Variants in RPA1 observed in about 807,000 individuals in gnomAD.
RPA1 encodes replication protein A1, also known as replication protein A 70 kDa DNA-binding subunit.
A neutral mutation model predicts 83.0 loss-of-function variants in RPA1; 49 were observed. The observed-to-expected ratio is 0.59, with a 90% confidence interval of 0.47 to 0.75. The LOEUF is 0.75. Among genes scored for constraint, RPA1 ranks in the 30% least tolerant of loss-of-function variants. RPA1 has a pLI of 0.00. For missense variants in RPA1, 693 were observed against 776.1 expected (o/e 0.89, Z 1.27); for synonymous variants, 279 against 281.8 (o/e 0.99, Z 0.10).
chr17:1,849,395 C>T (rs539991888), intron 4 of RPA1, among the ~76,000 whole-genome samples: 2 of 150,492 alleles, frequency 1.3e-5, no homozygotes, highest in Non-Finnish European at 1.5e-5. Flanking sequence ...CGGGTTCACG[C>T]CATTCTCCTG....
At chr17:1,844,151 A>C (rs1473465927) in intron 3 of RPA1, among the ~76,000 whole-genome samples, 153 bp downstream of exon 3, 1 of 152,192 alleles carries the variant, frequency 6.6e-6, no homozygotes, top group African/African-American at 2.4e-5. Flanking sequence ...GTCAGAGAGC[A>C]TTCTAACAAT....
At chr17:1,864,221 T>C (rs1913093581) in intron 5 of RPA1, among the ~76,000 whole-genome samples, 1 of 152,222 alleles carries the variant, frequency 6.6e-6, no homozygotes, top group Non-Finnish European at 1.5e-5. Context: ...TGAAGTACAC[T>C]AATTCACTGT....
chr17:1,856,040 C>T (rs1012385699), intron 5 of RPA1, among the ~76,000 whole-genome samples: 17 of 152,076 alleles, frequency 1.1e-4, no homozygotes, highest in African/African-American at 3.9e-4. Flanking sequence ...AAATATATTT[C>T]CAGCTGGGTG....
chr17:1,837,407 C>T (rs1450760629), intron 1 of RPA1, among the ~76,000 whole-genome samples: 1 of 152,122 alleles, frequency 6.6e-6, no homozygotes, highest in African/African-American at 2.4e-5. Flanking sequence ...CATCTTTTGG[C>T]TATTATAAAT....
chr17:1,842,935 A>T, intron 2 of RPA1, 82 bp downstream of exon 2: 2 of 1,443,238 alleles, frequency 1.4e-6, no homozygotes, highest in Non-Finnish European at 1.9e-6. Flanking sequence ...AAGGACAGAC[A>T]GATTTGTCCA....
At chr17:1,845,053 T>C (rs965124280) in intron 4 of RPA1, among the ~76,000 whole-genome samples, 2 of 152,082 alleles carry the variant, frequency 1.3e-5, no homozygotes, top group African/African-American at 4.8e-5. Context: ...CCTCCCAAAG[T>C]GCTGGGATTA....
intron 5 of RPA1, among the ~76,000 whole-genome samples, chr17:1,853,974 G>C (rs1912595655): frequency 6.6e-6 from 1 of 152,170 alleles, no homozygotes; most frequent in East Asian, 1.9e-4. Context: ...CTAACTTGAG[G>C]CTGGCGTTTA....
intron 4 of RPA1, among the ~76,000 whole-genome samples, chr17:1,845,697 A>G (rs148702876): frequency 6.6e-6 from 1 of 152,288 alleles, no homozygotes; most frequent in Non-Finnish European, 1.5e-5. Context: ...TTGGGAGACC[A>G]GGTAGGGAGG....
rs1368650376 is a variant in RPA1, at chr17:1,888,781, A to G, written c.1481A>G (p.Gln494Arg). 20 of 1,614,142 alleles carry G rather than the reference A, an allele frequency of 1.2e-5. No individual in the cohort carries two copies. The highest frequency in any genetic ancestry group is 1.4e-5 in the Non-Finnish European group (17 of 1,180,058). ...QDCNKKVIDQQNGLYRCEKCD... is the reference protein window; with the variant it reads ...QDCNKKVIDQRNGLYRCEKCD... ...TGCAATAAGAAAGTGATTGATCAACAGAATGGATTGTACCGCTGTGAGAAG... is the reference window on the plus strand; with the variant it reads ...TGCAATAAGAAAGTGATTGATCAACGGAATGGATTGTACCGCTGTGAGAAG... Residue 494 changes from glutamine (Q) to arginine (R), a missense_variant, in exon 14 of 17, where the codon CAG (glutamine) becomes CGG (arginine). Coordinates refer to ENST00000254719, the MANE Select transcript of RPA1 (RefSeq NM_002945.5).
intron 5 of RPA1, 103 bp from the exon 6 acceptor site, chr17:1,872,331 A>C: frequency 6.6e-7 from 1 of 1,504,280 alleles, no homozygotes; most frequent in Admixed American, 2.2e-5. Context: ...GTCTTTGACA[A>C]AATAAAAAAT....
chr17:1,835,392 A>T (rs906847702), intron 1 of RPA1, among the ~76,000 whole-genome samples: 1 of 151,972 alleles, frequency 6.6e-6, no homozygotes, highest in South Asian at 2.1e-4. Context: ...CTTGGTCTCC[A>T]AACAGTTCTC....
In RPA1 at chr17:1,887,260, G is replaced by A. The variant is rs148556705; in HGVS notation, c.1375-1415G>A. 1.2e-3 allele frequency among the ~76,000 whole-genome samples: 185 copies of A among 152,138 alleles called. 1 individual carries two copies. Among genetic ancestry groups the A allele is most frequent in the African/African-American group, 4.4e-3 (183 of 41,528 alleles). On this transcript the variant is annotated intron_variant, in intron 13 of 16. Transcript: ENST00000254719. ...ACCCCAGAACAACTACAATAGTGAC[G>A]TTAAAGATCACTGTAGGCCAGGCGC...
chr17:1,892,025 G>A, intron 15 of RPA1, 85 bp downstream of exon 15: 3 of 742,620 alleles, frequency 4.0e-6, no homozygotes, highest in Non-Finnish European at 6.2e-6. Context: ...TTTTTTTTTT[G>A]AGATGGAGTC....
chr17:1,858,815 G>T (rs573147534), intron 5 of RPA1, among the ~76,000 whole-genome samples: 1 of 151,874 alleles, frequency 6.6e-6, no homozygotes, highest in African/African-American at 2.4e-5. Context: ...TTTAATTCTA[G>T]TATGATCAAA....
chr17:1,895,453 A>G (rs183744932), intron 16 of RPA1, among the ~76,000 whole-genome samples: 2 of 151,496 alleles, frequency 1.3e-5, no homozygotes, highest in African/African-American at 4.8e-5. Context: ...TTTAGATTGT[A>G]GAAAAGTATA....
At chr17:1,860,771 C>T (rs1046076447) in intron 5 of RPA1, among the ~76,000 whole-genome samples, 2 of 152,276 alleles carry the variant, frequency 1.3e-5, no homozygotes, top group Admixed American at 6.5e-5. Context: ...GCCTGGCCCT[C>T]GGACCGAATG....
chr17:1,836,660 TCAG>T, intron 1 of RPA1, among the ~76,000 whole-genome samples: 1 of 151,562 alleles, frequency 6.6e-6, no homozygotes, highest in South Asian at 2.1e-4. Context: ...CTGGCTTCTT[TCAG>T]CAGTTTTTTT....
intron 13 of RPA1, among the ~76,000 whole-genome samples, chr17:1,885,089 T>A (rs906603660): frequency 5.9e-5 from 9 of 152,232 alleles, no homozygotes; most frequent in Non-Finnish European, 1.2e-4. Flanking sequence ...AGGAGAACTT[T>A]TTCAAACTGG....
chr17:1,866,021 G>A (rs12940389), intron 5 of RPA1, among the ~76,000 whole-genome samples: 55,108 of 151,804 alleles, frequency 0.36, 12,171 homozygotes, highest in Non-Finnish European at 0.52. Flanking sequence ...TTGGCAGATC[G>A]CTTGAGCTCA....
Sources: allele counts gnomAD v4.1 joint callset (sites outside exome capture counted in the v4.1 genomes callset), GRCh38; gene constraint gnomAD v4.1.1; transcripts MANE v1.5; gene names NCBI Gene and HGNC (gene_info 2026-07-23, HGNC 2026-07-21).